The following BMP8B variants were observed in gnomAD, a reference collection of about 807,000 sequenced individuals.
BMP8B encodes bone morphogenetic protein 8 (osteogenic protein 2).
BMP8B carries 17 observed loss-of-function variants against 30.3 expected under a neutral mutation model. The observed-to-expected ratio is 0.56, with a 90% CI of 0.38 to 0.84. The LOEUF (loss-of-function observed/expected upper bound fraction) is 0.84. BMP8B is among the 40% of genes least tolerant of loss of function. The pLI is 0.00. For missense variants in BMP8B, 253 were observed against 494.6 expected (o/e 0.51, Z 4.63); for synonymous variants, 131 against 214.7 (o/e 0.61, Z 3.41).
chr1:39,776,445 G>A (rs2676688), intron 1 of BMP8B, among the ~76,000 whole-genome samples: 2 of 152,282 alleles, frequency 1.3e-5, no homozygotes, highest in African/African-American at 4.8e-5. Flanking sequence ...AAAATTCTCT[G>A]TGGTTACTGG....
intron 6 of BMP8B, chr1:39,762,550 G>T (rs1649134862): frequency 2.6e-6 from 4 of 1,550,310 alleles, no homozygotes. Flanking sequence ...AAAAGCCAGG[G>T]GATCCAGAAA....
intron 3 of BMP8B, among the ~76,000 whole-genome samples, chr1:39,766,913 G>A (rs1314991070): frequency 6.6e-6 from 1 of 152,034 alleles, no homozygotes; most frequent in Non-Finnish European, 1.5e-5. Flanking sequence ...GTGTCACTCT[G>A]CAGACTGGCT....
intron 1 of BMP8B, among the ~76,000 whole-genome samples, chr1:39,780,408 T>C (rs1319700780): frequency 6.6e-6 from 1 of 151,928 alleles, no homozygotes; most frequent in Non-Finnish European, 1.5e-5. Context: ...CATTCACTTC[T>C]CCTAATCCAC....
intron 1 of BMP8B, among the ~76,000 whole-genome samples, chr1:39,779,730 C>T (rs1195491009): frequency 1.3e-5 from 2 of 152,238 alleles, no homozygotes; most frequent in Non-Finnish European, 2.9e-5. Flanking sequence ...AAGCACTGAC[C>T]TGTGTCAGGC....
intron 3 of BMP8B, chr1:39,769,613 C>T (rs964860444): frequency 6.3e-6 from 9 of 1,436,868 alleles, no homozygotes; most frequent in Non-Finnish European, 7.3e-6. Flanking sequence ...GTAGCAAACC[C>T]CTCCCAGAGC....
At chr1:39,771,249 C>T (rs1461927645) in intron 3 of BMP8B, 94 of 1,517,968 alleles carry the variant, frequency 6.2e-5, no homozygotes, top group Non-Finnish European at 7.9e-5. Flanking sequence ...AGCCGCAGCG[C>T]CGCCATAGTC....
chr1:39,781,518 C>T (rs1480289097), intron 1 of BMP8B, among the ~76,000 whole-genome samples: 1 of 152,222 alleles, frequency 6.6e-6, no homozygotes, highest in African/African-American at 2.4e-5. Context: ...GATGAGGAAA[C>T]TGAGGCTCAG....
intron 1 of BMP8B, among the ~76,000 whole-genome samples, chr1:39,787,867 G>C (rs1267448346): frequency 6.6e-6 from 1 of 152,186 alleles, no homozygotes; most frequent in Admixed American, 6.5e-5. Flanking sequence ...AGCCCAGGTG[G>C]GCAAAGACAT....
intron 5 of BMP8B, among the ~76,000 whole-genome samples, chr1:39,763,490 G>A (rs1649322609): frequency 6.9e-6 from 1 of 144,288 alleles, no homozygotes. Flanking sequence ...AGCTTAGTTG[G>A]TTGATTCAGT....
intron 1 of BMP8B, among the ~76,000 whole-genome samples, chr1:39,782,537 G>A (rs988983932): frequency 6.6e-6 from 1 of 151,620 alleles, no homozygotes; most frequent in African/African-American, 2.4e-5. Context: ...GCGCGATCTC[G>A]GCTCACTGCA....
intron 3 of BMP8B, among the ~76,000 whole-genome samples, chr1:39,773,317 CT>C (rs962369842): frequency 8.7e-5 from 2 of 22,896 alleles, no homozygotes; most frequent in African/African-American, 1.9e-4. Context: ...CCAACCTTCC[CT>C]TTTTTTTGAT....
intron 1 of BMP8B, among the ~76,000 whole-genome samples, chr1:39,778,459 G>A (rs964742580): frequency 3.3e-5 from 5 of 151,306 alleles, no homozygotes; most frequent in South Asian, 4.2e-4. Flanking sequence ...AAGGGAGGGC[G>A]GGACTCATGA....
chr1:39,780,559 G>T (rs1650565129), intron 1 of BMP8B, among the ~76,000 whole-genome samples: 1 of 152,228 alleles, frequency 6.6e-6, no homozygotes, highest in African/African-American at 2.4e-5. Flanking sequence ...AGCAGGAAAA[G>T]CCATGATGGG....
intron 3 of BMP8B, among the ~76,000 whole-genome samples, chr1:39,766,012 C>A (rs783813): frequency 0.043 from 6,297 of 147,132 alleles, 1 homozygote; most frequent in African/African-American, 0.15. Flanking sequence ...TCCAGCTGGG[C>A]GACAGAATGA....
At chr1:39,787,729 T>C (rs1651085118) in intron 1 of BMP8B, among the ~76,000 whole-genome samples, 1 of 152,100 alleles carries the variant, frequency 6.6e-6, no homozygotes, top group Admixed American at 6.6e-5. Flanking sequence ...CTCTGGTCAC[T>C]CCGATGTGAC....
chr1:39,767,321 C>G (rs1407741906), intron 3 of BMP8B, among the ~76,000 whole-genome samples: 39 of 151,316 alleles, frequency 2.6e-4, no homozygotes, highest in African/African-American at 8.9e-4. Flanking sequence ...GGTCCCAGAG[C>G]AAGGTGGGTC....
rs1173831957 is a variant in BMP8B, at chr1:39,760,527, A to G, written c.1101T>C (p.Cys367=). The change falls in exon 7 of 7, where the codon TGT becomes TGC. Residue 367 remains cysteine, a synonymous_variant. Coordinates refer to ENST00000372827, the MANE Select transcript of BMP8B (RefSeq NM_001720.5). The part of the protein sequence containing the change: ...MMPDAVPKAC[C]APTKLSATSV... ...AGGTGGCGCTCAGCTTGGTGGGTGC[A>G]CAGCACGCCTTGGGGACTGCGTCTG... 12 of 1,614,086 alleles carry G rather than the reference A, an allele frequency of 7.4e-6. No homozygotes were observed. Among genetic ancestry groups the G allele is most frequent in the Non-Finnish European group, 1.0e-5 (12 of 1,180,010 alleles).
At chr1:39,787,137 C>T (rs1336155715) in intron 1 of BMP8B, among the ~76,000 whole-genome samples, 1 of 152,168 alleles carries the variant, frequency 6.6e-6, no homozygotes, top group Non-Finnish European at 1.5e-5. Flanking sequence ...CCTCACTGTC[C>T]TCATCTGGGA....
chr1:39,762,323 G>A, intron 6 of BMP8B: 1 of 612,338 alleles, frequency 1.6e-6, no homozygotes, highest in Non-Finnish European at 2.7e-6. Context: ...TACAGGGTGA[G>A]CCACCGCACC....
Sources: gnomAD v4.1 joint callset for allele counts (sites outside exome capture counted in the v4.1 genomes callset) on GRCh38, gnomAD v4.1.1 for gene constraint, MANE v1.5 for transcripts, NCBI Gene and HGNC (gene_info 2026-07-23, HGNC 2026-07-21) for gene names.